Variants in ABCC3 observed in about 807,000 individuals in gnomAD.
The protein encoded by ABCC3 is ATP binding cassette subfamily C member 3.
ABCC3 carries 121 observed loss-of-function variants against 165.3 expected under a neutral mutation model. That is an observed-to-expected ratio of 0.73 (90% CI 0.63 to 0.85). ABCC3 has a LOEUF of 0.85. ABCC3 is among the 40% of genes least tolerant of loss of function. The pLI is 0.00. For synonymous variants in ABCC3, 733 were observed against 810.1 expected, an observed-to-expected ratio of 0.90 and a Z score of 1.62; for missense variants, 1,869 against 1,964.1, an observed-to-expected ratio of 0.95 and a Z score of 0.92.
In ABCC3 at chr17:50,664,338, C is replaced by G. The variant is rs955467838; in HGVS notation, c.1338+227C>G. 4 of 577,366 alleles carry G rather than the reference C, an allele frequency of 6.9e-6. No individual in the cohort carries two copies. The African/African-American group carries it at 7.5e-5, about 11-fold the overall frequency. The allele number at this position is 577,366 out of a possible 1,614,324, so 35.8% of individuals were successfully genotyped here. A position where few individuals can be genotyped will look rare whatever the true frequency, so the allele number is the denominator to read the frequency against. On this transcript the variant is annotated intron_variant, in intron 10 of 30. Coordinates refer to ENST00000285238, the MANE Select transcript of ABCC3 (RefSeq NM_003786.4). ...CCTGGGCAACATAGCAAGACCTTGT[C>G]TCTAAAAAGAAACAAAGAAAACAGA...
Position 50,675,858 on chromosome 17 carries a change from T to C in ABCC3, c.2860-25T>C, listed in dbSNP as rs374644163. 8 of 1,613,200 alleles carry C rather than the reference T, an allele frequency of 5.0e-6. No homozygotes were observed. The African/African-American group carries it at 6.7e-5, about 13-fold the overall frequency. On this transcript the variant is annotated intron_variant, in intron 21 of 30. Transcript: ENST00000285238. ...CAGGGTTTATGGAGTCCCCTGTCCC[T>C]GACTGCCATGGCTGCTCCCTACAGG...
intron 26 of ABCC3, among the ~76,000 whole-genome samples, chr17:50,681,810 C>G (rs146868728): frequency 2.6e-3 from 399 of 152,234 alleles, no homozygotes; most frequent in African/African-American, 8.8e-3. Flanking sequence ...CCTCTCCCTT[C>G]TTCTTGGAGT....
intron 1 of ABCC3, chr17:50,635,784 G>GA (rs2054174073): frequency 3.4e-6 from 2 of 588,226 alleles, no homozygotes; most frequent in African/African-American, 1.9e-5. Flanking sequence ...TTGGGAGGCA[G>GA]AGGTGGGAGG....
intron 10 of ABCC3, 26 bp downstream of exon 10, chr17:50,664,137 C>T (rs1195203061): frequency 1.2e-6 from 2 of 1,612,316 alleles, no homozygotes; most frequent in East Asian, 4.5e-5. Context: ...TGACCTCTGC[C>T]TCCTTCCTCT....
chr17:50,657,653 G>A (rs1967280878), intron 4 of ABCC3, among the ~76,000 whole-genome samples: 2 of 152,162 alleles, frequency 1.3e-5, no homozygotes, highest in Admixed American at 6.5e-5. Context: ...CCAACCTAGT[G>A]CCTCCCATTT....
At chr17:50,642,117 CA>C (rs1966904073) in intron 1 of ABCC3, among the ~76,000 whole-genome samples, 1 of 152,130 alleles carries the variant, frequency 6.6e-6, no homozygotes, top group African/African-American at 2.4e-5. Flanking sequence ...AGAGAAGAAT[CA>C]GGGGCAACTC....
chr17:50,643,846 TG>T (rs59780465), intron 1 of ABCC3, among the ~76,000 whole-genome samples: 19 of 149,526 alleles, frequency 1.3e-4, no homozygotes, highest in African/African-American at 4.2e-4. Context: ...GGAGATGCCA[TG>T]GGGGGGGTCT....
intron 1 of ABCC3, chr17:50,635,770 C>T: frequency 3.4e-6 from 2 of 595,248 alleles, no homozygotes. Context: ...TGTAATCCCA[C>T]CCTTTGGGAG....
At chr17:50,661,261 G>A in intron 8 of ABCC3, 147 bp downstream of exon 8, 2 of 826,648 alleles carry the variant, frequency 2.4e-6, no homozygotes, top group Non-Finnish European at 3.6e-6. Context: ...CCTTTGGCAA[G>A]TGGCATTGCC....
At position 50,658,214 on chromosome 17, in the gene ABCC3, T is replaced by C; in HGVS notation, c.612+7T>C. The C allele has an allele frequency of 1.2e-6, 2 of 1,614,172 alleles. No homozygotes were observed. Among genetic ancestry groups the C allele is most frequent in the East Asian group, 2.2e-5 (1 of 44,880 alleles). On this transcript the variant is annotated splice_region_variant and intron_variant, in intron 5 of 30. Coordinates refer to ENST00000285238, the MANE Select transcript of ABCC3 (RefSeq NM_003786.4). ...CGCAAAGAATGTCGACCCTGTGAGT[T>C]TCCCATGGAGGGTGCGGGGGCTCCA... is the stretch of plus-strand genomic sequence containing the variant.
intron 1 of ABCC3, among the ~76,000 whole-genome samples, chr17:50,641,622 A>G (rs1966893373): frequency 6.6e-6 from 1 of 152,206 alleles, no homozygotes; most frequent in Non-Finnish European, 1.5e-5. Context: ...TGTTCAATAG[A>G]TGGTTATTGA....
Position 50,655,404 on chromosome 17 carries a change from C to CAAAAAA in ABCC3, c.46-416_46-411dup, listed in dbSNP as rs58586394. Among the ~76,000 whole-genome samples, 243 of 56,138 alleles carry CAAAAAA rather than the reference C, an allele frequency of 4.3e-3. 4 individuals are homozygous for CAAAAAA. The highest frequency in any genetic ancestry group is 7.8e-3 in the East Asian group (12 of 1,540). 36.8% of individuals were successfully genotyped at this position (56,138 alleles called of 152,430 possible). On this transcript the variant is annotated intron_variant, in intron 1 of 30. Transcript: ENST00000285238. ...CTGGCAACAGAGTGAGACTCTGTCT[C>CAAAAAA]AAAAAAAAAAAAAAAAACAAAAACA... is the stretch of plus-strand genomic sequence containing the variant.
chr17:50,661,578 T>A (rs1255328368), intron 8 of ABCC3, among the ~76,000 whole-genome samples: 3 of 152,180 alleles, frequency 2.0e-5, no homozygotes, highest in African/African-American at 7.2e-5. Context: ...TAGAACGAGC[T>A]CTCAAATGAG....
chr17:50,684,726 G>A lies in ABCC3; in HGVS notation c.4131G>A (p.Ser1377=), dbSNP rs974545378. 5.6e-6 allele frequency: 9 copies of A among 1,613,828 alleles called. No homozygotes were observed. Among genetic ancestry groups the A allele is most frequent in the Admixed American group, 5.0e-5 (3 of 59,966 alleles). ...ATCCCCAGGACCCCATCCTGTTCTC[G>A]GGGACCCTGCGCATGAACCTGGACC... ...TIIPQDPILF[S]GTLRMNLDPF... Residue 1377 remains serine (S), a synonymous_variant, in exon 29 of 31, where the codon TCG becomes TCA. Coordinates refer to ENST00000285238, the MANE Select transcript of ABCC3 (RefSeq NM_003786.4).
chr17:50,643,476 C>T (rs1966927985), intron 1 of ABCC3: 2 of 451,602 alleles, frequency 4.4e-6, no homozygotes, highest in South Asian at 1.6e-5. Context: ...GAAATGCCCC[C>T]AGGCAGCATG....
At chr17:50,640,849 A>T (rs889092350) in intron 1 of ABCC3, among the ~76,000 whole-genome samples, 2 of 152,134 alleles carry the variant, frequency 1.3e-5, no homozygotes, top group East Asian at 3.9e-4. Flanking sequence ...AGGCTGAGGG[A>T]GGGTGAGTGG....
chr17:50,662,099 G>A (rs1474256172), intron 8 of ABCC3: 1 of 152,444 alleles, frequency 6.6e-6, no homozygotes, highest in African/African-American at 2.4e-5. Flanking sequence ...CTCCTGCCAG[G>A]AGTGTGGGGG....
intron 1 of ABCC3, among the ~76,000 whole-genome samples, chr17:50,647,148 A>T (rs1192670730): frequency 6.6e-6 from 1 of 152,224 alleles, no homozygotes; most frequent in East Asian, 1.9e-4. Flanking sequence ...AAGAGCTGGG[A>T]TTACAGGTGT....
intron 8 of ABCC3, among the ~76,000 whole-genome samples, chr17:50,662,420 C>T (rs541540660): frequency 5.3e-5 from 8 of 151,870 alleles, no homozygotes; most frequent in Non-Finnish European, 1.0e-4. Flanking sequence ...GTCAAACTCT[C>T]GAGCCCAAGA....
Sources: gnomAD v4.1 joint callset for allele counts (sites outside exome capture counted in the v4.1 genomes callset) on GRCh38, gnomAD v4.1.1 for gene constraint, MANE v1.5 for transcripts, NCBI Gene and HGNC (gene_info 2026-07-23, HGNC 2026-07-21) for gene names.